Variants in SAMSN1 observed in about 807,000 individuals in gnomAD.
The protein encoded by SAMSN1 is SAM domain, SH3 domain and nuclear localization signals 1, also known as SAM domain-containing protein SAMSN-1.
SAMSN1 carries 31 observed loss-of-function variants against 42.0 expected under a neutral mutation model. That is an observed-to-expected ratio of 0.74 (90% CI 0.55 to 1.00). SAMSN1 has a LOEUF of 1.00. Among genes scored for constraint, SAMSN1 ranks in the 50% least tolerant of loss-of-function variants. The pLI is 0.00. For synonymous variants in SAMSN1, 178 were observed against 151.9 expected, an observed-to-expected ratio of 1.17 and a Z score of -1.26; for missense variants, 464 against 439.4, an observed-to-expected ratio of 1.06 and a Z score of -0.50.
intron 2 of SAMSN1, among the ~76,000 whole-genome samples, chr21:14,560,917 T>C (rs768527435): frequency 1.9e-4 from 29 of 152,036 alleles, no homozygotes; most frequent in Non-Finnish European, 3.8e-4. Flanking sequence ...TGTCTCAGTA[T>C]TGGAGGCTAA....
intron 6 of SAMSN1, among the ~76,000 whole-genome samples, chr21:14,596,211 A>C (rs938529576): frequency 1.3e-5 from 2 of 151,986 alleles, no homozygotes; most frequent in African/African-American, 4.8e-5. Context: ...AGAGATTTGC[A>C]TTCCATTTTA....
At chr21:14,586,251 A>C (rs1466884288), upstream of SAMSN1, among the ~76,000 whole-genome samples, 2 of 133,138 alleles carry the variant, frequency 1.5e-5, no homozygotes, top group East Asian at 4.4e-4. Flanking sequence ...TGACAGAACG[A>C]GACTCCATCT....
intron 1 of SAMSN1, among the ~76,000 whole-genome samples, chr21:14,658,203 C>A (rs1221386657): frequency 6.6e-6 from 1 of 151,716 alleles, no homozygotes; most frequent in African/African-American, 2.4e-5. Context: ...AATGTGAAAA[C>A]GAATTTGAGA....
chr21:14,630,564 C>A (rs1007146079), intron 2 of SAMSN1, among the ~76,000 whole-genome samples: 1 of 151,996 alleles, frequency 6.6e-6, no homozygotes, highest in African/African-American at 2.4e-5. Flanking sequence ...ATTAAAACTA[C>A]CAAAAGGTGT....
At chr21:14,641,578 T>A (rs1983599006) in intron 2 of SAMSN1, among the ~76,000 whole-genome samples, 2 of 152,142 alleles carry the variant, frequency 1.3e-5, no homozygotes, top group Admixed American at 1.3e-4. Flanking sequence ...AGAATAAACA[T>A]AAATAATTTC....
chr21:14,592,982 A>T (rs1347660105), intron 7 of SAMSN1, among the ~76,000 whole-genome samples: 1 of 111,728 alleles, frequency 9.0e-6, no homozygotes, highest in South Asian at 2.8e-4. Flanking sequence ...AGCATGAGAA[A>T]TAGCAAGGGC....
At chr21:14,511,160 G>C (rs1987673539) in intron 4 of SAMSN1, among the ~76,000 whole-genome samples, 1 of 152,122 alleles carries the variant, frequency 6.6e-6, no homozygotes, top group Admixed American at 6.5e-5. Flanking sequence ...TGTTCAGTGA[G>C]GGAATAGCCC....
At chr21:14,600,645 G>T (rs1308652852) in intron 6 of SAMSN1, among the ~76,000 whole-genome samples, 1 of 152,176 alleles carries the variant, frequency 6.6e-6, no homozygotes, top group South Asian at 2.1e-4. Context: ...CCACGAAACG[G>T]GTCTATTTTT....
In SAMSN1 at chr21:14,508,460, C is replaced by T. The variant is rs777621995; in HGVS notation, c.561+1850G>A. 1.5e-4 allele frequency among the ~76,000 whole-genome samples: 23 copies of T among 152,278 alleles called. No individual in the cohort carries two copies. The South Asian group carries it at 1.9e-3, about 12-fold the overall frequency. ...GCCAACAAACACATGAAAAAATGCT[C>T]AACATCACTAATGATGAGGGAAATG... On this transcript the variant is annotated intron_variant, in intron 5 of 7. Transcript: ENST00000400566.
At chr21:14,582,925 T>G (rs1470512113) in intron 1 of SAMSN1, among the ~76,000 whole-genome samples, 4 of 152,190 alleles carry the variant, frequency 2.6e-5, no homozygotes, top group South Asian at 4.1e-4. Flanking sequence ...GAATAAAATC[T>G]CAGTGGTTTG....
chr21:14,529,732 T>C (rs961035836), intron 1 of SAMSN1, among the ~76,000 whole-genome samples: 4 of 152,204 alleles, frequency 2.6e-5, no homozygotes, highest in African/African-American at 7.2e-5. Context: ...GCAGGTTATA[T>C]TCATATACAA....
At chr21:14,524,375 G>GC (rs35969431) in intron 1 of SAMSN1, among the ~76,000 whole-genome samples, 42,594 of 151,964 alleles carry the variant, frequency 0.28, 6,699 homozygotes, top group Non-Finnish European at 0.35. Context: ...TAAATAAGCA[G>GC]TGTCAAAAAG....
chr21:14,516,720 T>C (rs552902089), intron 3 of SAMSN1, among the ~76,000 whole-genome samples, 172 bp downstream of exon 3: 19 of 152,320 alleles, frequency 1.2e-4, no homozygotes, highest in African/African-American at 4.3e-4. Flanking sequence ...TGTCAGTTTC[T>C]TCTGTTAAAA....
Position 14,544,660 on chromosome 21 carries a change from A to T in SAMSN1, c.57+1545T>A, listed in dbSNP as rs111603620. Among the ~76,000 whole-genome samples, 325 of 152,128 alleles carry T rather than the reference A, an allele frequency of 2.1e-3. 2 individuals carry two copies. The highest frequency in any genetic ancestry group is 7.2e-3 in the African/African-American group (299 of 41,520). On this transcript the variant is annotated intron_variant, in intron 1 of 7. Transcript: ENST00000400566. The stretch of plus-strand genomic sequence containing the variant: ...GTTCAAAGATGTATATTTTTTCAAA[A>T]TTTTTTTTATTTTATGAATAAGGAA...
At chr21:14,631,993 T>G (rs766178478) in intron 2 of SAMSN1, among the ~76,000 whole-genome samples, 12 of 152,130 alleles carry the variant, frequency 7.9e-5, no homozygotes, top group Admixed American at 2.0e-4. Context: ...CTCATCTAAC[T>G]TCTCTTGCTA....
intron 1 of SAMSN1, among the ~76,000 whole-genome samples, chr21:14,543,517 A>C (rs750782014): frequency 2.6e-5 from 4 of 152,186 alleles, no homozygotes; most frequent in Non-Finnish European, 5.9e-5. Flanking sequence ...ATATAAATGA[A>C]TGTTTTGAAC....
chr21:14,644,436 G>T (rs1011983107), intron 1 of SAMSN1, among the ~76,000 whole-genome samples: 1 of 152,068 alleles, frequency 6.6e-6, no homozygotes, highest in African/African-American at 2.4e-5. Flanking sequence ...GGAAACCGCT[G>T]CCCTGAAGGA....
chr21:14,596,122 C>A (rs1481946464), intron 6 of SAMSN1, among the ~76,000 whole-genome samples: 1 of 152,024 alleles, frequency 6.6e-6, no homozygotes. Context: ...CGTGAAAGTA[C>A]ACATCATTAA....
At chr21:14,653,411 G>T (rs910803763) in intron 1 of SAMSN1, among the ~76,000 whole-genome samples, 4 of 151,846 alleles carry the variant, frequency 2.6e-5, no homozygotes, top group African/African-American at 9.7e-5. Flanking sequence ...GACAAACATC[G>T]CATGTTCTCA....
Sources: allele counts gnomAD v4.1 joint callset (sites outside exome capture counted in the v4.1 genomes callset), GRCh38; gene constraint gnomAD v4.1.1; transcripts MANE v1.5; gene names NCBI Gene and HGNC (gene_info 2026-07-23, HGNC 2026-07-21).